Variants in TENT4A observed in about 807,000 individuals in gnomAD.
TENT4A encodes the protein terminal nucleotidyltransferase 4A, also known as DNA polymerase kappa.
TENT4A carries 7 observed loss-of-function variants against 72.8 expected under a neutral mutation model. The ratio of observed to expected loss-of-function variants is 0.10; its 90% CI spans 0.05 to 0.18. The LOEUF (loss-of-function observed/expected upper bound fraction) is 0.18, where lower values mean the gene tolerates loss of function less well. TENT4A is among the 10% of genes least tolerant of loss of function. TENT4A has a pLI of 1.00. For missense variants in TENT4A, 831 were observed against 1,017.7 expected (o/e 0.82, Z 2.50); for synonymous variants, 456 against 434.3 (o/e 1.05, Z -0.62).
chr5:6,749,292 C>G (rs540806645), intron 8 of TENT4A, among the ~76,000 whole-genome samples: 3 of 152,310 alleles, frequency 2.0e-5, no homozygotes, highest in African/African-American at 7.2e-5. Flanking sequence ...ACTGTATGAT[C>G]ATCGTGGGTG....
At chr5:6,745,959 A>C in intron 6 of TENT4A, 2 of 1,227,478 alleles carry the variant, frequency 1.6e-6, no homozygotes, top group Non-Finnish European at 2.1e-6. Context: ...CTGTGTTTGC[A>C]GGAAGTTTGC....
intron 1 of TENT4A, among the ~76,000 whole-genome samples, chr5:6,721,157 C>G (rs920754006): frequency 6.6e-6 from 1 of 152,146 alleles, no homozygotes; most frequent in East Asian, 1.9e-4. Flanking sequence ...AGCCCGCATT[C>G]TTAGTGCCAA....
chr5:6,741,445 T>C (rs28363367), intron 4 of TENT4A, among the ~76,000 whole-genome samples: 1 of 152,146 alleles, frequency 6.6e-6, no homozygotes, highest in Non-Finnish European at 1.5e-5. Context: ...CAGGAGTGAT[T>C]GTGGGAAGGA....
At chr5:6,753,101 A>G in intron 12 of TENT4A, 64 bp downstream of exon 12, 4 of 1,443,816 alleles carry the variant, frequency 2.8e-6, no homozygotes, top group Non-Finnish European at 3.8e-6. Flanking sequence ...GCGGTGCTAA[A>G]TGTTTTCTCC....
chr5:6,750,224 C>T, intron 9 of TENT4A, 107 bp from the exon 10 acceptor site: 2 of 744,610 alleles, frequency 2.7e-6, no homozygotes, highest in Non-Finnish European at 4.1e-6. Context: ...GTTTGTTAGT[C>T]ACATTAGCAG....
chr5:6,742,734 C>T (rs979239077), intron 5 of TENT4A, 137 bp downstream of exon 5: 10 of 587,258 alleles, frequency 1.7e-5, no homozygotes, highest in Non-Finnish European at 2.5e-5. Flanking sequence ...ATTATTTCTC[C>T]TACAATATTA....
At chr5:6,735,217 A>C (rs891855190) in intron 1 of TENT4A, among the ~76,000 whole-genome samples, 3 of 152,222 alleles carry the variant, frequency 2.0e-5, no homozygotes, top group Non-Finnish European at 4.4e-5. Flanking sequence ...CTTTGGGCCA[A>C]TTATTTAATA....
intron 1 of TENT4A, among the ~76,000 whole-genome samples, chr5:6,732,830 T>C (rs1449364682): frequency 6.6e-6 from 1 of 152,216 alleles, no homozygotes; most frequent in Non-Finnish European, 1.5e-5. Context: ...ATCGGGAAGC[T>C]GACCCTGCTC....
At chr5:6,726,096 A>G (rs1296155715) in intron 1 of TENT4A, among the ~76,000 whole-genome samples, 1 of 151,976 alleles carries the variant, frequency 6.6e-6, no homozygotes, top group Non-Finnish European at 1.5e-5. Flanking sequence ...TGAATTTTCA[A>G]CCTCTGTAGT....
At chr5:6,737,019 C>A (rs571278050) in intron 1 of TENT4A, among the ~76,000 whole-genome samples, 1 of 152,226 alleles carries the variant, frequency 6.6e-6, no homozygotes, top group African/African-American at 2.4e-5. Flanking sequence ...AGGACTCATA[C>A]GTCTTTTTCC....
At chr5:6,746,952 A>G (rs1008515405) in intron 7 of TENT4A, among the ~76,000 whole-genome samples, 1 of 152,222 alleles carries the variant, frequency 6.6e-6, no homozygotes, top group Non-Finnish European at 1.5e-5. Context: ...TGAAGAGTCT[A>G]AGGCTGGGCT....
chr5:6,726,007 G>T (rs1044235935), intron 1 of TENT4A, among the ~76,000 whole-genome samples: 2 of 152,188 alleles, frequency 1.3e-5, no homozygotes, highest in Non-Finnish European at 2.9e-5. Context: ...TGAAGTCTTG[G>T]TTTGCTTGGG....
intron 1 of TENT4A, among the ~76,000 whole-genome samples, chr5:6,727,046 T>G (rs1341452156): frequency 6.6e-6 from 1 of 152,074 alleles, no homozygotes; most frequent in Non-Finnish European, 1.5e-5. Flanking sequence ...TGCAGTTGCT[T>G]CTTCGCTCTT....
At chr5:6,753,454 G>A (rs1380930825) in intron 12 of TENT4A, among the ~76,000 whole-genome samples, 3 of 152,224 alleles carry the variant, frequency 2.0e-5, no homozygotes, top group East Asian at 1.9e-4. Context: ...CCTGATCCCC[G>A]CCTGGGGCAG....
In TENT4A at chr5:6,714,108, G is replaced by T; in HGVS notation, c.125G>T (p.Cys42Phe). Reference protein sequence around the residue: ...RGGSGFASYFCLNSPALDTAA... With the variant: ...RGGSGFASYFFLNSPALDTAA... The stretch of plus-strand genomic sequence containing the variant: ...GGCTCGGGCTTCGCGTCCTATTTCT[G>T]CCTCAACTCGCCGGCGCTGGACACG... The change falls in exon 1 of 13, where the codon TGC becomes TTC. Residue 42 changes from cysteine to phenylalanine, a missense_variant. Cys to Phe is a radical substitution (Grantham distance 205, BLOSUM62 -2). Around this residue, in one of 3 missense-constraint regions of TENT4A, gnomAD observed 302 missense variants for 293.8 expected, o/e 1.03. Coordinates refer to ENST00000230859, the MANE Select transcript of TENT4A (RefSeq NM_006999.6). 1 of 982,742 alleles carries T rather than the reference G, an allele frequency of 1.0e-6. No homozygotes were observed. The highest frequency in any genetic ancestry group is 1.2e-6 in the Non-Finnish European group (1 of 829,806). The allele number at this position is 982,742 out of a possible 1,614,324, so 60.9% of individuals were successfully genotyped here. A position where few individuals can be genotyped will look rare whatever the true frequency, so the allele number is the denominator to read the frequency against.
chr5:6,742,696 A>C (rs1301115772), intron 5 of TENT4A, 99 bp downstream of exon 5: 1 of 722,580 alleles, frequency 1.4e-6, no homozygotes, highest in East Asian at 2.6e-5. Context: ...TGCACACACA[A>C]GTCTTTCGTA....
intron 1 of TENT4A, among the ~76,000 whole-genome samples, chr5:6,715,482 C>G (rs1740325587): frequency 6.6e-6 from 1 of 152,210 alleles, no homozygotes; most frequent in Non-Finnish European, 1.5e-5. Flanking sequence ...GACGCAGCCC[C>G]TTTGCCATTT....
At chr5:6,721,982 A>G (rs1184712756) in intron 1 of TENT4A, among the ~76,000 whole-genome samples, 2 of 152,140 alleles carry the variant, frequency 1.3e-5, no homozygotes, top group African/African-American at 4.8e-5. Flanking sequence ...AATGGCTAGG[A>G]TGTAGTAGTT....
Position 6,754,790 on chromosome 5 carries a change from G to T in TENT4A, c.2224G>T (p.Gly742Cys). The T allele has an allele frequency of 6.3e-7, 1 of 1,598,352 alleles. No homozygotes were observed. ...GMKLSMKGSH[G>C]HTQGGGYSSV... ...GAAACTGTCCATGAAGGGCTCTCACGGCCACACCCAAGGCGGCGGCTACAG... is the reference window on the plus strand; with the variant it reads ...GAAACTGTCCATGAAGGGCTCTCACTGCCACACCCAAGGCGGCGGCTACAG... Residue 742 changes from glycine (G) to cysteine (C), a missense_variant, in exon 13 of 13, where the codon GGC becomes TGC. By Grantham distance (159) the Gly-to-Cys change is radical. This residue lies in a region of TENT4A where 332 missense variants were observed against 324.3 expected (regional missense o/e 1.02). Transcript: ENST00000230859.
Sources: allele counts gnomAD v4.1 joint callset (sites outside exome capture counted in the v4.1 genomes callset), GRCh38; gene constraint gnomAD v4.1.1; regional missense constraint gnomAD v4.1.1; transcripts MANE v1.5; gene names NCBI Gene and HGNC (gene_info 2026-07-23, HGNC 2026-07-21).